The following ZNF346 variants were observed in gnomAD, a reference collection of about 807,000 sequenced individuals.
The protein encoded by ZNF346 is zinc finger protein 346, also known as double-stranded RNA-binding zinc finger protein JAZ.
Under a neutral mutation model 33.7 loss-of-function variants are expected in ZNF346, and 23 were observed. The observed-to-expected ratio is 0.68, with a 90% CI of 0.49 to 0.97. The LOEUF (loss-of-function observed/expected upper bound fraction) is 0.97, where lower values mean the gene tolerates loss of function less well. Ranked by LOEUF, ZNF346 falls within the 50% of genes least tolerant of loss-of-function variation. The pLI, the probability that ZNF346 is intolerant of heterozygous loss-of-function variation, is 0.00. For synonymous variants in ZNF346, 134 were observed against 142.4 expected, an observed-to-expected ratio of 0.94 and a Z score of 0.42; for missense variants, 340 against 371.1, an observed-to-expected ratio of 0.92 and a Z score of 0.69.
At chr5:177,078,071 C>T (rs182886730) in intron 8 of ZNF346, among the ~76,000 whole-genome samples, 1 of 151,950 alleles carries the variant, frequency 6.6e-6, no homozygotes, top group Admixed American at 6.6e-5. Flanking sequence ...TGCTTGAACC[C>T]GGGAGGTGGA....
chr5:177,069,367 G>A (rs569456750), downstream of ZNF346, among the ~76,000 whole-genome samples: 12 of 151,406 alleles, frequency 7.9e-5, no homozygotes, highest in African/African-American at 2.4e-4. Flanking sequence ...CAGGAGAATC[G>A]CTTGAACCTG....
At chr5:177,069,565 C>T (rs973056059), downstream of ZNF346, among the ~76,000 whole-genome samples, 1 of 152,122 alleles carries the variant, frequency 6.6e-6, no homozygotes, top group African/African-American at 2.4e-5. Context: ...TGTTCTCACT[C>T]TGGCCCCCAG....
At chr5:177,035,022 CT>C (rs397966758) in intron 1 of ZNF346, among the ~76,000 whole-genome samples, 113 of 145,136 alleles carry the variant, frequency 7.8e-4, no homozygotes, top group Admixed American at 7.6e-4. Flanking sequence ...CTTTTCTTTT[CT>C]TTTTTTTTTT....
In ZNF346 at chr5:177,022,764, T is replaced by G; in HGVS notation, c.26T>G (p.Val9Gly). Residue 9 changes from valine (V) to glycine (G), a missense_variant, in exon 1 of 7, where the codon GTG becomes GGG. Val to Gly is a moderately radical substitution (Grantham distance 109, BLOSUM62 -3). Coordinates refer to ENST00000358149, the MANE Select transcript of ZNF346 (RefSeq NM_012279.4). ...ATGGAGTATCCCGCGCCGGCCACGG[T>G]GCAGGCCGCGGACGGCGGAGCGGCC... MEYPAPAT[V>G]QAADGGAAGP... The G allele has an allele frequency of 6.4e-7, 1 of 1,558,716 alleles. No homozygotes were observed.
intron 1 of ZNF346, among the ~76,000 whole-genome samples, chr5:177,031,998 C>CTTTTTTTTTTTTT (rs34021834): frequency 5.6e-3 from 380 of 67,852 alleles, no homozygotes; most frequent in Middle Eastern, 0.019. Context: ...TTTCTTTTTT[C>CTTTTTTTTTTTTT]TTTTTTTTTT....
chr5:177,061,316 A>T (rs1782521790), intron 5 of ZNF346, among the ~76,000 whole-genome samples: 1 of 150,180 alleles, frequency 6.7e-6, no homozygotes, highest in African/African-American at 2.5e-5. Flanking sequence ...GTGGTGGCAC[A>T]TGCCTGTAGT....
At chr5:177,061,407 T>C (rs1782536028) in intron 5 of ZNF346, among the ~76,000 whole-genome samples, 1 of 152,122 alleles carries the variant, frequency 6.6e-6, no homozygotes, top group African/African-American at 2.4e-5. Context: ...ATCGCGCCAC[T>C]GCACTCCAGC....
intron 5 of ZNF346, among the ~76,000 whole-genome samples, chr5:177,061,450 A>G (rs972281845): frequency 6.6e-6 from 1 of 152,142 alleles, no homozygotes; most frequent in Non-Finnish European, 1.5e-5. Context: ...TCTCAAAAAA[A>G]GAAAAGAAAA....
At chr5:177,036,356 T>C (rs1778512537) in intron 1 of ZNF346, among the ~76,000 whole-genome samples, 1 of 152,202 alleles carries the variant, frequency 6.6e-6, no homozygotes, top group South Asian at 2.1e-4. Context: ...ATTTCTACTT[T>C]AATGTGTTTA....
intron 1 of ZNF346, 41 bp downstream of exon 1, chr5:177,022,954 T>C (rs1776037983): frequency 6.9e-7 from 1 of 1,445,294 alleles, no homozygotes; most frequent in East Asian, 2.5e-5. Flanking sequence ...CCTCGCCCGC[T>C]GCGCGGCTCG....
At chr5:177,035,933 C>G (rs1778440970) in intron 1 of ZNF346, among the ~76,000 whole-genome samples, 2 of 151,850 alleles carry the variant, frequency 1.3e-5, no homozygotes, top group Admixed American at 1.3e-4. Context: ...GCTACCGCAC[C>G]CGGCCTAATT....
At chr5:177,076,762 C>T (rs532931565) in intron 8 of ZNF346, among the ~76,000 whole-genome samples, 4 of 152,252 alleles carry the variant, frequency 2.6e-5, no homozygotes, top group South Asian at 2.1e-4. Context: ...ATCGTTGAGC[C>T]GGGCGTGGTG....
chr5:177,030,536 T>C (rs142317745), intron 1 of ZNF346, among the ~76,000 whole-genome samples: 5,039 of 151,996 alleles, frequency 0.033, 295 homozygotes, highest in African/African-American at 0.11. Flanking sequence ...CTCGATTTCC[T>C]GACCTCGTGA....
At chr5:177,030,341 C>A (rs1037478978) in intron 1 of ZNF346, among the ~76,000 whole-genome samples, 1 of 151,924 alleles carries the variant, frequency 6.6e-6, no homozygotes, top group African/African-American at 2.4e-5. Flanking sequence ...TGCAACTGGG[C>A]TGGGGGCGGT....
At chr5:177,038,830 G>A (rs531084489) in intron 1 of ZNF346, among the ~76,000 whole-genome samples, 1 of 151,824 alleles carries the variant, frequency 6.6e-6, no homozygotes, top group South Asian at 2.1e-4. Flanking sequence ...TTCTTATTGT[G>A]AGAAGCCTCT....
At chr5:177,047,584 CA>C (rs1780261982) in intron 4 of ZNF346, among the ~76,000 whole-genome samples, 1 of 152,122 alleles carries the variant, frequency 6.6e-6, no homozygotes, top group South Asian at 2.1e-4. Context: ...TGACTCACTG[CA>C]ACCTCCACCC....
At chr5:177,063,225 G>A (rs1782758381) in intron 6 of ZNF346, among the ~76,000 whole-genome samples, 1 of 152,330 alleles carries the variant, frequency 6.6e-6, no homozygotes, top group Admixed American at 6.5e-5. Flanking sequence ...GAGATAGGTA[G>A]AAGAATTCCC....
At chr5:177,076,911 G>A (rs1422901620) in intron 8 of ZNF346, among the ~76,000 whole-genome samples, 1 of 152,026 alleles carries the variant, frequency 6.6e-6, no homozygotes, top group Admixed American at 6.6e-5. Context: ...CATGGTGACA[G>A]GTGCCTGTAA....
chr5:177,079,311 A>G (rs1020764746), intron 8 of ZNF346: 1 of 151,628 alleles, frequency 6.6e-6, no homozygotes, highest in African/African-American at 2.4e-5. Context: ...CTTCTTTTTG[A>G]TAGCCCCTGG....
Sources: gnomAD v4.1 joint callset for allele counts (sites outside exome capture counted in the v4.1 genomes callset) on GRCh38, gnomAD v4.1.1 for gene constraint, MANE v1.5 for transcripts, NCBI Gene and HGNC (gene_info 2026-07-23, HGNC 2026-07-21) for gene names.